Variants in COBL observed in about 807,000 individuals in gnomAD.
COBL encodes the protein protein cordon-bleu.
COBL carries 51 observed loss-of-function variants against 98.8 expected under a neutral mutation model. The observed-to-expected ratio is 0.52, with a 90% CI of 0.41 to 0.65. The LOEUF (loss-of-function observed/expected upper bound fraction) is 0.65. COBL is among the 30% of genes least tolerant of loss of function. The pLI is 0.00. For synonymous variants in COBL, 634 were observed against 651.7 expected, an observed-to-expected ratio of 0.97 and a Z score of 0.41; for missense variants, 1,617 against 1,617.5, an observed-to-expected ratio of 1.00 and a Z score of 0.01.
chr7:51,054,103 C>T (rs1298475855), intron 7 of COBL, among the ~76,000 whole-genome samples: 1 of 152,170 alleles, frequency 6.6e-6, no homozygotes, highest in East Asian at 1.9e-4. Context: ...ATTGCTTGAA[C>T]CCAGGAGACA....
At chr7:51,048,344 A>T (rs1789917199) in intron 7 of COBL, among the ~76,000 whole-genome samples, 1 of 152,196 alleles carries the variant, frequency 6.6e-6, no homozygotes, top group Non-Finnish European at 1.5e-5. Context: ...TTTACAATTT[A>T]AAAATATTGT....
chr7:51,108,957 C>CACACACACACACACACA (rs869144573), intron 6 of COBL, among the ~76,000 whole-genome samples: 23 of 83,962 alleles, frequency 2.7e-4, no homozygotes, highest in East Asian at 1.3e-3. Context: ...CACACACACA[C>CACACACACACACACACA]CCCCTGCCCC....
At chr7:51,199,012 C>A (rs957762191) in intron 2 of COBL, among the ~76,000 whole-genome samples, 16 of 152,188 alleles carry the variant, frequency 1.1e-4, no homozygotes, top group African/African-American at 3.4e-4. Flanking sequence ...GAACTCAGCT[C>A]CAACCACAAG....
chr7:51,054,621 G>A (rs1790553998), intron 7 of COBL, among the ~76,000 whole-genome samples: 1 of 152,178 alleles, frequency 6.6e-6, no homozygotes, highest in African/African-American at 2.4e-5. Context: ...TTGGCCAGGG[G>A]CCCTCGGAAC....
Position 51,029,100 on chromosome 7 carries a change from C to T in COBL, c.1996G>A (p.Val666Met), listed in dbSNP as rs760398316. ...DGERTQATERVNSQPVNEKDS... is the reference protein window; with the variant it reads ...DGERTQATERMNSQPVNEKDS... ...TTTTCATTCACCGGTTGGGAATTCA[C>T]TCTCTCTGTGGCTTGAGTCCTCTCC... The change falls in exon 10 of 13, where the codon GTG (valine) becomes ATG (methionine). Residue 666 changes from valine to methionine, a missense_variant. Physicochemically the swap from Val to Met is conservative, Grantham distance 21. Coordinates refer to ENST00000265136, the MANE Select transcript of COBL (RefSeq NM_015198.5). The T allele has an allele frequency of 2.5e-6, 4 of 1,614,050 alleles. No individual in the cohort carries two copies. In the African/African-American group the frequency reaches 5.3e-5, roughly 22 times the overall value.
chr7:51,062,283 C>G (rs913395708), intron 7 of COBL, among the ~76,000 whole-genome samples: 1 of 152,026 alleles, frequency 6.6e-6, no homozygotes, highest in Non-Finnish European at 1.5e-5. Context: ...CTCTCTCTCT[C>G]TCTCTCTCTT....
chr7:51,219,699 C>A (rs1793427715), intron 2 of COBL, 42 bp downstream of exon 2: 1 of 1,593,496 alleles, frequency 6.3e-7, no homozygotes, highest in South Asian at 1.1e-5. Flanking sequence ...GCTATACTCG[C>A]AAAGTGAGTA....
chr7:51,206,276 G>C (rs1235010107), intron 2 of COBL, among the ~76,000 whole-genome samples: 1 of 152,100 alleles, frequency 6.6e-6, no homozygotes, highest in Non-Finnish European at 1.5e-5. Flanking sequence ...TGGATCACCT[G>C]AGGTCAAGAG....
chr7:51,226,441 G>A (rs1283773935), intron 1 of COBL, among the ~76,000 whole-genome samples: 2 of 152,146 alleles, frequency 1.3e-5, no homozygotes, highest in Admixed American at 1.3e-4. Flanking sequence ...CCTCTACCAA[G>A]GGAAGAGGAA....
intron 7 of COBL, among the ~76,000 whole-genome samples, chr7:51,076,681 T>A (rs1793104215): frequency 6.6e-6 from 1 of 152,192 alleles, no homozygotes. Context: ...AAATTTAAAA[T>A]CAATTAGCTA....
At chr7:51,087,760 C>T (rs1185112316) in intron 6 of COBL, among the ~76,000 whole-genome samples, 1 of 149,060 alleles carries the variant, frequency 6.7e-6, no homozygotes, top group African/African-American at 2.5e-5. Flanking sequence ...AGGTATGAGC[C>T]ACTGTGCCCG....
intron 1 of COBL, among the ~76,000 whole-genome samples, chr7:51,222,369 T>C (rs557700428): frequency 7.4e-4 from 112 of 152,300 alleles, no homozygotes; most frequent in Middle Eastern, 3.4e-3. Context: ...AGTCAACATA[T>C]ATGGCACCAT....
chr7:51,301,655 C>A (rs1320670033), intron 1 of COBL, among the ~76,000 whole-genome samples: 1 of 152,230 alleles, frequency 6.6e-6, no homozygotes, highest in African/African-American at 2.4e-5. Context: ...TGACCAATCC[C>A]CCAGCTCTTC....
chr7:51,310,249 T>A (rs909946374), intron 1 of COBL, among the ~76,000 whole-genome samples: 2 of 152,160 alleles, frequency 1.3e-5, no homozygotes, highest in African/African-American at 4.8e-5. Flanking sequence ...AGAAGCATCA[T>A]CAGACAGCCC....
intron 1 of COBL, among the ~76,000 whole-genome samples, chr7:51,262,172 A>G (rs1797780388): frequency 6.6e-6 from 1 of 152,154 alleles, no homozygotes. Flanking sequence ...ACAGAGCCAA[A>G]GTGGAGTCTG....
intron 6 of COBL, among the ~76,000 whole-genome samples, chr7:51,132,361 G>A (rs1798824147): frequency 2.6e-5 from 4 of 152,208 alleles, no homozygotes; most frequent in South Asian, 2.1e-4. Context: ...AGCTGGGATC[G>A]GAACCCAGGC....
At chr7:51,138,629 G>A (rs140326982) in intron 5 of COBL, among the ~76,000 whole-genome samples, 90 of 152,280 alleles carry the variant, frequency 5.9e-4, no homozygotes, top group Admixed American at 1.6e-3. Flanking sequence ...CATCCATAAC[G>A]TCTGCTGACA....
chr7:51,243,743 G>C (rs549821243), intron 1 of COBL, among the ~76,000 whole-genome samples: 3 of 152,304 alleles, frequency 2.0e-5, no homozygotes, highest in Non-Finnish European at 2.9e-5. Flanking sequence ...TCGGAGTTGG[G>C]GACGGCAGGA....
At chr7:51,266,208 T>C (rs1004698290) in intron 1 of COBL, among the ~76,000 whole-genome samples, 1 of 152,202 alleles carries the variant, frequency 6.6e-6, no homozygotes, top group African/African-American at 2.4e-5. Context: ...TGGTAAAATA[T>C]AGATTGAAAA....
Sources: gnomAD v4.1 joint callset for allele counts (sites outside exome capture counted in the v4.1 genomes callset) on GRCh38, gnomAD v4.1.1 for gene constraint, MANE v1.5 for transcripts, NCBI Gene and HGNC (gene_info 2026-07-23, HGNC 2026-07-21) for gene names.